The following ADCY8 variants were observed in gnomAD, a reference collection of about 807,000 sequenced individuals.
ADCY8 encodes the protein adenylate cyclase type 8.
In ADCY8, 51 loss-of-function variants were observed where a neutral mutation model predicts 119.7. That is an observed-to-expected ratio of 0.43 (90% CI 0.34 to 0.54). The LOEUF (loss-of-function observed/expected upper bound fraction) is 0.54, where lower values mean the gene tolerates loss of function less well. Ranked by LOEUF, ADCY8 falls within the 20% of genes least tolerant of loss-of-function variation. The pLI is 0.03. For synonymous variants in ADCY8, 665 were observed against 651.0 expected (o/e 1.02, Z -0.33); for missense variants, 1,383 against 1,598.8 (o/e 0.87, Z 2.30).
intron 2 of ADCY8, among the ~76,000 whole-genome samples, chr8:130,953,790 G>A (rs1301174088): frequency 1.3e-5 from 2 of 152,126 alleles, no homozygotes; most frequent in African/African-American, 2.4e-5. Flanking sequence ...ACTTCACTCT[G>A]CCTCTCATGC....
At chr8:130,907,682 G>GA (rs1819833499) in intron 6 of ADCY8, among the ~76,000 whole-genome samples, 1 of 152,208 alleles carries the variant, frequency 6.6e-6, no homozygotes, top group Non-Finnish European at 1.5e-5. Flanking sequence ...GGGTGTGAAA[G>GA]ATGATTTAAA....
intron 1 of ADCY8, among the ~76,000 whole-genome samples, chr8:131,019,047 T>C (rs912272240): frequency 6.6e-6 from 1 of 152,070 alleles, no homozygotes; most frequent in South Asian, 2.1e-4. Context: ...ACTACAGAAA[T>C]GCCAGGGACT....
At chr8:130,844,180 C>CCA (rs1428030322) in intron 11 of ADCY8, among the ~76,000 whole-genome samples, 2 of 152,114 alleles carry the variant, frequency 1.3e-5, no homozygotes, top group African/African-American at 4.8e-5. Flanking sequence ...TGAGGGTCTT[C>CCA]CCACCGAATC....
At chr8:130,952,369 C>G (rs1050144221) in intron 2 of ADCY8, among the ~76,000 whole-genome samples, 1 of 152,174 alleles carries the variant, frequency 6.6e-6, no homozygotes. Flanking sequence ...CGATGCATAT[C>G]AGGGATTAAG....
intron 1 of ADCY8, among the ~76,000 whole-genome samples, chr8:131,000,286 A>AG (rs1248509960): frequency 1.3e-5 from 2 of 152,196 alleles, no homozygotes; most frequent in Admixed American, 1.3e-4. Context: ...CTCAGGAGAC[A>AG]GGGGTATAAT....
chr8:130,896,199 C>T (rs771856983), intron 7 of ADCY8, among the ~76,000 whole-genome samples: 2 of 152,136 alleles, frequency 1.3e-5, no homozygotes, highest in African/African-American at 2.4e-5. Context: ...TCACAGTGAG[C>T]CTGCTGACCT....
At chr8:130,865,071 C>T (rs1239783321) in intron 9 of ADCY8, among the ~76,000 whole-genome samples, 3 of 151,990 alleles carry the variant, frequency 2.0e-5, no homozygotes, top group Non-Finnish European at 2.9e-5. Context: ...ATTAGTTTCC[C>T]CTCTTGATAT....
chr8:130,789,321 G>C (rs557395832), intron 15 of ADCY8, among the ~76,000 whole-genome samples: 78 of 152,234 alleles, frequency 5.1e-4, no homozygotes, highest in Non-Finnish European at 9.7e-4. Flanking sequence ...GTATCCCTGT[G>C]CCTGGCCTCT....
intron 1 of ADCY8, among the ~76,000 whole-genome samples, chr8:130,993,015 A>G (rs1165009442): frequency 6.6e-6 from 1 of 152,210 alleles, no homozygotes; most frequent in African/African-American, 2.4e-5. Flanking sequence ...AATGTTACAT[A>G]TAGGAGACAT....
Position 130,999,704 on chromosome 8 carries a change from A to C in ADCY8, c.961-9162T>G, listed in dbSNP as rs924154489. ...GCCTGCTTTATTCAGAGCGGAAAGA[A>C]GATACTTCCACCTATTTCTGGATCT... On this transcript the variant is annotated intron_variant, in intron 1 of 17. Transcript: ENST00000286355. Among the ~76,000 whole-genome samples the C allele has an allele frequency of 4.6e-4, 70 of 152,334 alleles. 1 individual carries two copies. Among genetic ancestry groups the C allele is most frequent in the African/African-American group, 1.6e-3 (66 of 41,572 alleles).
intron 3 of ADCY8, among the ~76,000 whole-genome samples, chr8:130,944,106 A>C (rs1821038099): frequency 6.6e-6 from 1 of 152,166 alleles, no homozygotes; most frequent in Admixed American, 6.5e-5. Flanking sequence ...GCCTTCTAAA[A>C]GCCAGGTTAC....
intron 2 of ADCY8, among the ~76,000 whole-genome samples, chr8:130,953,552 G>A (rs915787768): frequency 1.3e-5 from 2 of 152,060 alleles, no homozygotes; most frequent in African/African-American, 4.8e-5. Flanking sequence ...GGGATTCTTG[G>A]TGAGATGGGA....
intron 13 of ADCY8, among the ~76,000 whole-genome samples, chr8:130,817,066 G>A (rs1474754677): frequency 6.6e-6 from 1 of 152,106 alleles, no homozygotes; most frequent in Non-Finnish European, 1.5e-5. Context: ...AGGATAAAAA[G>A]AGCTCAACAA....
At chr8:130,998,764 A>G (rs1200990245) in intron 1 of ADCY8, among the ~76,000 whole-genome samples, 1 of 152,168 alleles carries the variant, frequency 6.6e-6, no homozygotes, top group African/African-American at 2.4e-5. Flanking sequence ...CACACCCTGA[A>G]TGTATTCCAA....
At chr8:130,969,987 A>C (rs1205320585) in intron 2 of ADCY8, among the ~76,000 whole-genome samples, 1 of 152,200 alleles carries the variant, frequency 6.6e-6, no homozygotes, top group East Asian at 1.9e-4. Flanking sequence ...TATGTTCTGC[A>C]TTAAATTATA....
At chr8:130,842,461 T>G (rs1006742495) in intron 11 of ADCY8, among the ~76,000 whole-genome samples, 1 of 152,218 alleles carries the variant, frequency 6.6e-6, no homozygotes, top group African/African-American at 2.4e-5. Flanking sequence ...ACTGCTTTTA[T>G]TTTATTATTT....
intron 7 of ADCY8, among the ~76,000 whole-genome samples, chr8:130,901,242 C>CTTTTTTTT (rs34424673): frequency 8.7e-6 from 1 of 115,580 alleles, no homozygotes; most frequent in African/African-American, 3.3e-5. Flanking sequence ...CATCCCTCCT[C>CTTTTTTTT]TTTTTTTTTT....
chr8:130,866,897 A>ACAATGG (rs1818143492), intron 9 of ADCY8, among the ~76,000 whole-genome samples: 1 of 152,184 alleles, frequency 6.6e-6, no homozygotes, highest in Non-Finnish European at 1.5e-5. Context: ...GTGCTCAGTA[A>ACAATGG]CTGGGAGCCA....
intron 14 of ADCY8, 134 bp downstream of exon 14, chr8:130,813,932 ATAG>A: frequency 9.4e-7 from 1 of 1,067,626 alleles, no homozygotes; most frequent in Non-Finnish European, 1.3e-6. Flanking sequence ...TGTAAATTTC[ATAG>A]TGTTAGGAGT....
Sources: allele counts gnomAD v4.1 joint callset (sites outside exome capture counted in the v4.1 genomes callset), GRCh38; gene constraint gnomAD v4.1.1; transcripts MANE v1.5; gene names NCBI Gene and HGNC (gene_info 2026-07-23, HGNC 2026-07-21).